DDHD1: variants seen among roughly 807,000 people sequenced by gnomAD.
DDHD1 encodes DDHD domain containing 1.
A neutral mutation model predicts 96.4 loss-of-function variants in DDHD1; 49 were observed. The ratio of observed to expected loss-of-function variants is 0.51; its 90% CI spans 0.40 to 0.64. The LOEUF (loss-of-function observed/expected upper bound fraction) is 0.64, where lower values mean the gene tolerates loss of function less well. DDHD1 is among the 30% of genes least tolerant of loss of function. The pLI is 0.00. For missense variants in DDHD1, 1,106 were observed against 1,161.2 expected, an observed-to-expected ratio of 0.95 and a Z score of 0.69; for synonymous variants, 442 against 446.5, an observed-to-expected ratio of 0.99 and a Z score of 0.13.
chr14:53,107,752 A>G (rs535784772), intron 1 of DDHD1, among the ~76,000 whole-genome samples: 1 of 152,228 alleles, frequency 6.6e-6, no homozygotes, highest in South Asian at 2.1e-4. Context: ...GATCGTGCTG[A>G]GAGACAGGAC....
intron 11 of DDHD1, 110 bp downstream of exon 11, chr14:53,054,328 A>C (rs1460270500): frequency 3.4e-5 from 31 of 907,610 alleles, no homozygotes; most frequent in Non-Finnish European, 4.7e-5. Context: ...GTTAAGGCAC[A>C]CTTTAGATCT....
intron 2 of DDHD1, among the ~76,000 whole-genome samples, chr14:53,102,064 T>A (rs1887340401): frequency 6.6e-6 from 1 of 151,892 alleles, no homozygotes; most frequent in East Asian, 1.9e-4. Context: ...TTTGTGATGG[T>A]GAACTGACAT....
chr14:53,058,664 G>A (rs1555330760), intron 8 of DDHD1, 38 bp from the exon 9 acceptor site: 8 of 1,561,422 alleles, frequency 5.1e-6, no homozygotes, highest in Admixed American at 2.0e-5. Flanking sequence ...TAAAAATGGT[G>A]AAGTGTTATC....
intron 1 of DDHD1, among the ~76,000 whole-genome samples, chr14:53,135,079 C>T (rs1018069624): frequency 1.3e-5 from 2 of 152,114 alleles, no homozygotes; most frequent in South Asian, 4.1e-4. Flanking sequence ...AACACTTCAC[C>T]ACCATTTTGT....
At chr14:53,134,325 CTT>C (rs1032286395) in intron 1 of DDHD1, among the ~76,000 whole-genome samples, 3 of 152,196 alleles carry the variant, frequency 2.0e-5, no homozygotes, top group African/African-American at 7.2e-5. Flanking sequence ...ATCAGCCACT[CTT>C]GACTCCCTCT....
rs758060048 is a variant in DDHD1, at chr14:53,152,819, C to T, written c.280G>A (p.Ala94Thr). 1 of 1,611,250 alleles carries T rather than the reference C, an allele frequency of 6.2e-7. No individual in the cohort carries two copies. Among genetic ancestry groups the T allele is most frequent in the Non-Finnish European group, 8.5e-7 (1 of 1,179,284 alleles). The change falls in exon 1 of 13, where the codon GCC becomes ACC. Residue 94 changes from alanine (A) to threonine (T), a missense_variant. Ala to Thr is a moderately conservative substitution (Grantham distance 58). Around this residue, in one of 2 missense-constraint regions of DDHD1, gnomAD observed 456 missense variants for 402.4 expected, o/e 1.13. Transcript: ENST00000673822. ...TAGCGCAGCGAGGAGCCCGACTCGGCGGAGCTGAAGTCATAGTTCTCGTCA... is the reference window on the plus strand; with the variant it reads ...TAGCGCAGCGAGGAGCCCGACTCGGTGGAGCTGAAGTCATAGTTCTCGTCA... Reference protein sequence around the residue: ...LSDENYDFSSAESGSSLRYYS... With the variant: ...LSDENYDFSSTESGSSLRYYS...
intron 6 of DDHD1, 41 bp downstream of exon 6, chr14:53,072,556 C>A: frequency 1.7e-6 from 2 of 1,163,380 alleles, no homozygotes; most frequent in Non-Finnish European, 2.4e-6. Flanking sequence ...TATAAGCTAT[C>A]ACTAAAAAAT....
At chr14:53,072,492 C>A in intron 6 of DDHD1, 105 bp downstream of exon 6, 2 of 518,446 alleles carry the variant, frequency 3.9e-6, no homozygotes, top group Non-Finnish European at 6.5e-6. Flanking sequence ...TAATGAATTC[C>A]TGTAATTTCT....
chr14:53,152,135 TGCCCCAGCC>T, intron 1 of DDHD1, 117 bp downstream of exon 1: 1 of 989,568 alleles, frequency 1.0e-6, no homozygotes, highest in Admixed American at 3.2e-5. Context: ...ATCTCCATCC[TGCCCCAGCC>T]AAACGCCAGG....
chr14:53,121,102 C>A (rs182042829), intron 1 of DDHD1, among the ~76,000 whole-genome samples: 17 of 151,698 alleles, frequency 1.1e-4, no homozygotes, highest in East Asian at 5.8e-4. Context: ...GAAAAAAAAA[C>A]CCATCAAAAA....
chr14:53,091,190 A>G (rs1292926165), intron 4 of DDHD1, among the ~76,000 whole-genome samples: 4 of 152,214 alleles, frequency 2.6e-5, no homozygotes, highest in Non-Finnish European at 4.4e-5. Context: ...ATGCCCTTTC[A>G]ACAAAGTTGT....
rs1026692378 is a variant in DDHD1, at chr14:53,041,035, A to T, written c.*5733T>A. 1.3e-5 allele frequency: 2 copies of T among 152,004 alleles called. No individual in the cohort carries two copies. The highest frequency in any genetic ancestry group is 4.8e-5 in the African/African-American group (2 of 41,382). 9.4% of individuals were successfully genotyped at this position (152,004 alleles called of 1,614,324 possible). A position where few individuals can be genotyped will look rare whatever the true frequency, so the allele number is the denominator to read the frequency against. On this transcript the variant is annotated 3_prime_UTR_variant, in exon 13 of 13. Coordinates refer to ENST00000673822, the MANE Select transcript of DDHD1 (RefSeq NM_001160148.2). ...CTCAAAGGGAAACAAAAAGTTTGAG[A>T]GATCAAGCAGGGACCGCAGTGGGTG... is the stretch of plus-strand genomic sequence containing the variant.
At chr14:53,052,928 A>G (rs1275922547) in intron 11 of DDHD1, 1 of 151,760 alleles carries the variant, frequency 6.6e-6, no homozygotes. Context: ...CTGTTCTGGA[A>G]GAAAAAACTG....
intron 2 of DDHD1, among the ~76,000 whole-genome samples, chr14:53,096,911 G>A (rs549587672): frequency 6.0e-4 from 91 of 152,112 alleles, no homozygotes; most frequent in Non-Finnish European, 1.1e-3. Context: ...CAACTTGTAA[G>A]CACTAAACAG....
intron 4 of DDHD1, among the ~76,000 whole-genome samples, chr14:53,090,768 T>G (rs554057745): frequency 4.6e-5 from 7 of 152,150 alleles, no homozygotes; most frequent in African/African-American, 1.7e-4. Context: ...AAATACCTAA[T>G]GTAAATGATG....
chr14:53,152,125 A>AG, intron 1 of DDHD1, 136 bp downstream of exon 1: 9 of 842,276 alleles, frequency 1.1e-5, no homozygotes, highest in South Asian at 7.8e-5. Context: ...TCCCTGCTCA[A>AG]TCTCCATCCT....
chr14:53,083,841 G>A (rs1885703146), intron 4 of DDHD1, among the ~76,000 whole-genome samples: 1 of 152,096 alleles, frequency 6.6e-6, no homozygotes, highest in African/African-American at 2.4e-5. Context: ...ACTAAGTTAT[G>A]TGTAGAATTT....
chr14:53,143,595 G>T (rs1441295576), intron 1 of DDHD1, among the ~76,000 whole-genome samples: 1 of 152,164 alleles, frequency 6.6e-6, no homozygotes, highest in African/African-American at 2.4e-5. Context: ...TAGCGACTTA[G>T]AACTTTTTAA....
intron 4 of DDHD1, among the ~76,000 whole-genome samples, chr14:53,083,158 T>C (rs945709252): frequency 1.6e-4 from 3 of 18,252 alleles, no homozygotes; most frequent in African/African-American, 2.0e-4. Flanking sequence ...TATTCTCCCA[T>C]TTTTTTTCTG....
Sources: allele counts gnomAD v4.1 joint callset (sites outside exome capture counted in the v4.1 genomes callset), GRCh38; gene constraint gnomAD v4.1.1; regional missense constraint gnomAD v4.1.1; transcripts MANE v1.5; gene names NCBI Gene and HGNC (gene_info 2026-07-23, HGNC 2026-07-21).